The following DCLK2 variants were observed in gnomAD, a reference collection of about 807,000 sequenced individuals.
The protein encoded by DCLK2 is doublecortin like kinase 2.
In DCLK2, 31 loss-of-function variants were observed where a neutral mutation model predicts 78.4. The ratio of observed to expected loss-of-function variants is 0.40; its 90% CI spans 0.30 to 0.53. The LOEUF (loss-of-function observed/expected upper bound fraction) is 0.53, where lower values mean the gene tolerates loss of function less well. Among genes scored for constraint, DCLK2 ranks in the 20% least tolerant of loss-of-function variants. The pLI, the probability that DCLK2 is intolerant of heterozygous loss-of-function variation, is 0.61. For synonymous variants in DCLK2, 407 were observed against 374.9 expected (o/e 1.09, Z -0.99); for missense variants, 872 against 973.7 (o/e 0.90, Z 1.39).
intron 4 of DCLK2, among the ~76,000 whole-genome samples, chr4:150,200,769 C>T (rs1739391353): frequency 6.6e-6 from 1 of 152,204 alleles, no homozygotes; most frequent in Non-Finnish European, 1.5e-5. Context: ...CTAAATCCTT[C>T]AACAAAACTC....
intron 12 of DCLK2, among the ~76,000 whole-genome samples, chr4:150,241,863 C>G (rs1339423165): frequency 6.6e-6 from 1 of 152,144 alleles, no homozygotes; most frequent in East Asian, 1.9e-4. Flanking sequence ...GAGAGCTCCA[C>G]CCTTAACAAT....
At chr4:150,159,476 T>C (rs1393412568) in intron 2 of DCLK2, among the ~76,000 whole-genome samples, 4 of 152,232 alleles carry the variant, frequency 2.6e-5, no homozygotes, top group Non-Finnish European at 5.9e-5. Flanking sequence ...CACAGTCACC[T>C]TTCCTAGGCA....
At chr4:150,222,814 C>T (rs535421108) in intron 7 of DCLK2, among the ~76,000 whole-genome samples, 3 of 151,498 alleles carry the variant, frequency 2.0e-5, no homozygotes, top group East Asian at 3.9e-4. Flanking sequence ...TGCGGTGAGC[C>T]GAGATCGTGC....
intron 4 of DCLK2, among the ~76,000 whole-genome samples, chr4:150,203,377 C>T (rs1425690346): frequency 2.0e-5 from 3 of 152,102 alleles, no homozygotes; most frequent in Non-Finnish European, 4.4e-5. Flanking sequence ...TCTTGGTTAT[C>T]CAAACTTCTT....
chr4:150,129,374 G>A (rs935958724), intron 2 of DCLK2, among the ~76,000 whole-genome samples: 9 of 151,918 alleles, frequency 5.9e-5, no homozygotes, highest in Non-Finnish European at 1.2e-4. Flanking sequence ...ATGCTTCTAC[G>A]CTTTGGCTAA....
chr4:150,160,054 G>A (rs1018837461), intron 2 of DCLK2, among the ~76,000 whole-genome samples: 1 of 149,540 alleles, frequency 6.7e-6, no homozygotes, highest in Admixed American at 6.8e-5. Context: ...TTAGTCTGTC[G>A]TCCAGGGTGG....
chr4:150,136,237 G>A (rs1733672254), intron 2 of DCLK2, among the ~76,000 whole-genome samples: 1 of 152,196 alleles, frequency 6.6e-6, no homozygotes, highest in Non-Finnish European at 1.5e-5. Flanking sequence ...TTGTAATCAT[G>A]AAGATATTTT....
intron 2 of DCLK2, among the ~76,000 whole-genome samples, chr4:150,108,210 A>G (rs1338800961): frequency 1.3e-5 from 2 of 152,132 alleles, no homozygotes; most frequent in Admixed American, 1.3e-4. Context: ...AAATGTTTTT[A>G]AAAATAAAAC....
At chr4:150,176,338 G>A (rs1296257816) in intron 2 of DCLK2, among the ~76,000 whole-genome samples, 1 of 152,138 alleles carries the variant, frequency 6.6e-6, no homozygotes, top group Non-Finnish European at 1.5e-5. Context: ...GAGTGCTCTG[G>A]GTGTAAGAGC....
chr4:150,078,535 G>A lies in DCLK2; in HGVS notation c.-493G>A, dbSNP rs891506616. On this transcript the variant is annotated 5_prime_UTR_variant, in exon 1 of 16. Coordinates refer to ENST00000296550, the MANE Select transcript of DCLK2 (RefSeq NM_001040260.4). Reference sequence around the variant, plus strand: ...GGCGGCGGCGCTGCACCCCGGGCCTGGGCCCGCGCGACTCCCCCGGGGGCC... The same window carrying A: ...GGCGGCGGCGCTGCACCCCGGGCCTAGGCCCGCGCGACTCCCCCGGGGGCC... 6.6e-6 allele frequency: 1 copy of A among 150,844 alleles called. No homozygotes were observed. Among genetic ancestry groups the A allele is most frequent in the Non-Finnish European group, 1.5e-5 (1 of 67,692 alleles). The allele number at this position is 150,844 out of a possible 1,614,324, so 9.3% of individuals were successfully genotyped here. A position where few individuals can be genotyped will look rare whatever the true frequency, so the allele number is the denominator to read the frequency against.
intron 2 of DCLK2, among the ~76,000 whole-genome samples, chr4:150,171,535 C>T (rs1736531540): frequency 6.6e-6 from 1 of 152,180 alleles, no homozygotes; most frequent in Admixed American, 6.5e-5. Flanking sequence ...GGCTTTGCTG[C>T]AGCTGTTCAT....
chr4:150,203,897 A>T lies in DCLK2; in HGVS notation c.1056+8A>T. The T allele has an allele frequency of 6.2e-7, 1 of 1,600,096 alleles. No individual in the cohort carries two copies. ...AGTTTCAGAGGATTAAAGGTATGAA[A>T]TAGGATATGTGGCATATTTGTGTGA... On this transcript the variant is annotated splice_region_variant and intron_variant, in intron 5 of 15. Transcript: ENST00000296550.
At chr4:150,177,686 C>CA (rs1327559369) in intron 2 of DCLK2, among the ~76,000 whole-genome samples, 1 of 152,066 alleles carries the variant, frequency 6.6e-6, no homozygotes, top group Non-Finnish European at 1.5e-5. Context: ...GTAAGAAAAA[C>CA]TAAGAACTGC....
At chr4:150,124,367 G>C (rs1242528943) in intron 2 of DCLK2, among the ~76,000 whole-genome samples, 1 of 152,106 alleles carries the variant, frequency 6.6e-6, no homozygotes, top group Non-Finnish European at 1.5e-5. Context: ...TTTATGGCAG[G>C]CTTCTCATAA....
intron 12 of DCLK2, among the ~76,000 whole-genome samples, chr4:150,241,379 C>T (rs1742916140): frequency 6.6e-6 from 1 of 152,162 alleles, no homozygotes; most frequent in South Asian, 2.1e-4. Flanking sequence ...GGGGCTTCAG[C>T]CACAGCTCTT....
At chr4:150,175,219 C>CTATATTTATA (rs1736982627) in intron 2 of DCLK2, among the ~76,000 whole-genome samples, 1 of 97,544 alleles carries the variant, frequency 1.0e-5, no homozygotes, top group African/African-American at 4.8e-5. Context: ...ATATATTTAT[C>CTATATTTATA]TATATATATT....
chr4:150,183,074 C>T (rs974553633), intron 2 of DCLK2, among the ~76,000 whole-genome samples: 5 of 152,108 alleles, frequency 3.3e-5, no homozygotes, highest in East Asian at 1.9e-4. Context: ...CTTCCCATTA[C>T]GTCTTCTATA....
In DCLK2 at chr4:150,132,929, A is replaced by T. The variant is rs1733426792; in HGVS notation, c.756+30117A>T. Among the ~76,000 whole-genome samples the T allele has an allele frequency of 2.0e-5, 3 of 152,158 alleles. No homozygotes were observed. The South Asian group carries it at 6.2e-4, about 32-fold the overall frequency. On this transcript the variant is annotated intron_variant, in intron 2 of 15. Coordinates refer to ENST00000296550, the MANE Select transcript of DCLK2 (RefSeq NM_001040260.4). ...AGGGATAAGCCACCATGCCCAGCTA[A>T]CATTTTGATCAACCAGTCAATATAC...
rs766590308 is a variant in DCLK2 at position 150,079,464 on chromosome 4, G to A, written c.421+16G>A. On this transcript the variant is annotated intron_variant, in intron 1 of 15. Transcript: ENST00000296550. ...CTGCTGGAAGGTAGGAGGGGAGGGC[G>A]CCGCACGGCAGGTGCGGCGGAGCGC... The A allele has an allele frequency of 1.6e-5, 23 of 1,465,020 alleles. No homozygotes were observed. The Admixed American group carries it at 4.3e-4, about 27-fold the overall frequency. 90.8% of individuals were successfully genotyped at this position (1,465,020 alleles called of 1,614,324 possible). A position where few individuals can be genotyped will look rare whatever the true frequency, so the allele number is the denominator to read the frequency against.
Sources: allele counts gnomAD v4.1 joint callset (sites outside exome capture counted in the v4.1 genomes callset), GRCh38; gene constraint gnomAD v4.1.1; transcripts MANE v1.5; gene names NCBI Gene and HGNC (gene_info 2026-07-23, HGNC 2026-07-21).